DENND1B: variants seen among roughly 807,000 people sequenced by gnomAD.
The protein encoded by DENND1B is DENN domain containing 1B.
Under a neutral mutation model 90.1 loss-of-function variants are expected in DENND1B, and 59 were observed. That is an observed-to-expected ratio of 0.65 (90% CI 0.53 to 0.81). The LOEUF (loss-of-function observed/expected upper bound fraction) is 0.81, where lower values mean the gene tolerates loss of function less well. Among genes scored for constraint, DENND1B ranks in the 40% least tolerant of loss-of-function variants. The probability of loss-of-function intolerance (pLI) is 0.00; values close to 1 mark genes in which losing one functional copy is unlikely to be tolerated. For missense variants in DENND1B, 862 were observed against 912.6 expected (o/e 0.94, Z 0.71); for synonymous variants, 337 against 324.6 (o/e 1.04, Z -0.41).
At chr1:197,636,500 C>T (rs1679807631) in intron 10 of DENND1B, among the ~76,000 whole-genome samples, 1 of 152,110 alleles carries the variant, frequency 6.6e-6, no homozygotes, top group Admixed American at 6.6e-5. Flanking sequence ...AAACCAATTC[C>T]TAGTACTATG....
intron 14 of DENND1B, among the ~76,000 whole-genome samples, chr1:197,592,720 T>C (rs1043178219): frequency 1.3e-5 from 2 of 152,158 alleles, no homozygotes; most frequent in Admixed American, 6.5e-5. Context: ...ACAGACTGCC[T>C]GCCCATGGTA....
At chr1:197,662,366 T>C (rs940045204) in intron 5 of DENND1B, among the ~76,000 whole-genome samples, 5 of 152,088 alleles carry the variant, frequency 3.3e-5, no homozygotes, top group Non-Finnish European at 2.9e-5. Context: ...TGGATACTTA[T>C]ATGTATTATC....
At position 197,775,303 on chromosome 1, in the gene DENND1B, C is replaced by T; in HGVS notation, c.-148G>A. 3.7e-6 allele frequency: 2 copies of T among 533,404 alleles called. No individual in the cohort carries two copies. Among genetic ancestry groups the T allele is most frequent in the East Asian group, 4.2e-5 (1 of 23,554 alleles). The allele number at this position is 533,404 out of a possible 1,614,324, so 33.0% of individuals were successfully genotyped here. ...TGCTCACAGCAGCCGTGGCGGCGGG[C>T]CCATGTCGGCTGCGCCCCCGGCACT... On this transcript the variant is annotated 5_prime_UTR_variant, in exon 1 of 23. Transcript: ENST00000620048.
intron 3 of DENND1B, among the ~76,000 whole-genome samples, chr1:197,691,707 A>T (rs981760805): frequency 2.6e-5 from 4 of 152,056 alleles, no homozygotes; most frequent in Non-Finnish European, 5.9e-5. Context: ...GAAACATCCT[A>T]CATGTCCATC....
chr1:197,723,163 G>A (rs1661333072), intron 2 of DENND1B, among the ~76,000 whole-genome samples: 1 of 152,084 alleles, frequency 6.6e-6, no homozygotes, highest in African/African-American at 2.4e-5. Flanking sequence ...AGAACCTTAA[G>A]AAAATATAAC....
chr1:197,515,690 G>A (rs1208346932), intron 20 of DENND1B, among the ~76,000 whole-genome samples: 1 of 151,734 alleles, frequency 6.6e-6, no homozygotes, highest in Non-Finnish European at 1.5e-5. Context: ...AGAGTACTTT[G>A]CAAAACACTC....
At chr1:197,539,796 T>G (rs567782354) in intron 20 of DENND1B, among the ~76,000 whole-genome samples, 168 bp downstream of exon 20, 1 of 152,314 alleles carries the variant, frequency 6.6e-6, no homozygotes, top group Non-Finnish European at 1.5e-5. Flanking sequence ...CATTTGACTC[T>G]CAATCCCCTT....
intron 5 of DENND1B, among the ~76,000 whole-genome samples, chr1:197,662,024 T>C (rs939972601): frequency 6.6e-6 from 1 of 152,074 alleles, no homozygotes; most frequent in Non-Finnish European, 1.5e-5. Context: ...ATTATTACTG[T>C]TTTTTACATG....
chr1:197,614,803 AG>A (rs1183049648), intron 11 of DENND1B, among the ~76,000 whole-genome samples: 1 of 151,078 alleles, frequency 6.6e-6, no homozygotes, highest in African/African-American at 2.4e-5. Flanking sequence ...TTTCATAAAA[AG>A]AAGAGTCATA....
chr1:197,765,465 A>G (rs1444517909), intron 2 of DENND1B, among the ~76,000 whole-genome samples: 1 of 152,230 alleles, frequency 6.6e-6, no homozygotes, highest in Non-Finnish European at 1.5e-5. Flanking sequence ...TACTGTACAC[A>G]GTAAATTATT....
intron 20 of DENND1B, among the ~76,000 whole-genome samples, chr1:197,535,475 ATAAC>A (rs1256994974): frequency 6.6e-6 from 1 of 152,182 alleles, no homozygotes; most frequent in African/African-American, 2.4e-5. Context: ...ATTAACAACA[ATAAC>A]TGATACTGAA....
intron 2 of DENND1B, among the ~76,000 whole-genome samples, chr1:197,742,924 C>T (rs979285999): frequency 5.3e-5 from 8 of 152,076 alleles, no homozygotes; most frequent in African/African-American, 7.2e-5. Flanking sequence ...AACCAAGAGA[C>T]AGAACAAGCA....
chr1:197,731,826 TG>T (rs2102320434), intron 2 of DENND1B, among the ~76,000 whole-genome samples: 1 of 152,046 alleles, frequency 6.6e-6, no homozygotes, highest in South Asian at 2.1e-4. Context: ...TTGCTATACA[TG>T]ATCTTTCTCA....
At chr1:197,605,808 C>T (rs1370504024) in intron 13 of DENND1B, 1 of 151,088 alleles carries the variant, frequency 6.6e-6, no homozygotes, top group Non-Finnish European at 1.5e-5. Context: ...TTTAATATGT[C>T]TCAAGGTCAG....
At chr1:197,677,122 C>T (rs1286816698) in intron 3 of DENND1B, among the ~76,000 whole-genome samples, 3 of 152,068 alleles carry the variant, frequency 2.0e-5, no homozygotes, top group African/African-American at 4.8e-5. Context: ...GTGTCATTGT[C>T]GATACCACTA....
At chr1:197,643,569 C>T (rs528851098) in intron 9 of DENND1B, among the ~76,000 whole-genome samples, 14 of 152,294 alleles carry the variant, frequency 9.2e-5, no homozygotes, top group African/African-American at 3.4e-4. Flanking sequence ...ATTCACTATG[C>T]AGGCACAATC....
intron 13 of DENND1B, among the ~76,000 whole-genome samples, chr1:197,602,032 C>T (rs1300355231): frequency 1.3e-5 from 2 of 151,480 alleles, no homozygotes; most frequent in Non-Finnish European, 3.0e-5. Flanking sequence ...TGCAGAAGCA[C>T]AATGATTGCC....
chr1:197,694,398 A>C (rs1658222771), intron 3 of DENND1B, among the ~76,000 whole-genome samples: 1 of 151,356 alleles, frequency 6.6e-6, no homozygotes, highest in Non-Finnish European at 1.5e-5. Context: ...TATTTGTTTC[A>C]CTTCACAGTT....
At chr1:197,749,835 TTTG>T (rs1653226854) in intron 2 of DENND1B, among the ~76,000 whole-genome samples, 1 of 152,100 alleles carries the variant, frequency 6.6e-6, no homozygotes, top group Non-Finnish European at 1.5e-5. Flanking sequence ...TTTGGGTTTT[TTTG>T]TTGTTGTTTG....
Sources: allele counts gnomAD v4.1 joint callset (sites outside exome capture counted in the v4.1 genomes callset), GRCh38; gene constraint gnomAD v4.1.1; transcripts MANE v1.5; gene names NCBI Gene and HGNC (gene_info 2026-07-23, HGNC 2026-07-21).